The following GPR174 variants were observed in gnomAD, a reference collection of about 807,000 sequenced individuals.
GPR174 encodes the protein probable G protein-coupled receptor 174.
A neutral mutation model predicts 16.5 loss-of-function variants in GPR174; 8 were observed. That is an observed-to-expected ratio of 0.48 (90% CI 0.28 to 0.87). The LOEUF is 0.87. Among genes scored for constraint, GPR174 ranks in the 40% least tolerant of loss-of-function variants. The pLI, the probability that GPR174 is intolerant of heterozygous loss-of-function variation, is 0.09. For synonymous variants in GPR174, 111 were observed against 94.8 expected (o/e 1.17, Z -0.99); for missense variants, 214 against 247.5 (o/e 0.86, Z 0.91).
chrX:79,166,057 G>A (rs1258684828), intron 2 of GPR174, among the ~76,000 whole-genome samples: 8 of 110,552 alleles, frequency 7.2e-5, no homozygotes, highest in African/African-American at 2.6e-4. Flanking sequence ...ATACTAACTT[G>A]TGATCTTCTC....
chrX:79,153,636 C>T (rs765628608), intron 1 of GPR174, among the ~76,000 whole-genome samples: 6 of 111,425 alleles, frequency 5.4e-5, no homozygotes, highest in East Asian at 2.8e-4. Flanking sequence ...AACAAAGGGA[C>T]GCTTGTTTCT....
At chrX:79,167,563 C>G (rs1191601223) in intron 2 of GPR174, among the ~76,000 whole-genome samples, 1 of 110,161 alleles carries the variant, frequency 9.1e-6, no homozygotes, top group African/African-American at 3.3e-5. Context: ...TCCTCAATAC[C>G]AATTGGTTTG....
chrX:79,165,781 G>A lies in GPR174; in HGVS notation c.-556-4671G>A, dbSNP rs771807084. On this transcript the variant is annotated intron_variant, in intron 2 of 2. Coordinates refer to ENST00000645147, the MANE Select transcript of GPR174 (RefSeq NM_032553.3). Reference sequence around the variant, plus strand: ...TTTCACAGGCTATTAATCGTGTGGAGTAGTGGATAGGGCACACTCTCTAGG... The same window carrying A: ...TTTCACAGGCTATTAATCGTGTGGAATAGTGGATAGGGCACACTCTCTAGG... 5.4e-5 allele frequency among the ~76,000 whole-genome samples: 6 copies of A among 111,068 alleles called. No individual in the cohort carries two copies. In the South Asian group the frequency reaches 2.3e-3, roughly 43 times the overall value.
intron 2 of GPR174, among the ~76,000 whole-genome samples, chrX:79,160,893 G>A (rs1260940752): frequency 9.0e-6 from 1 of 111,299 alleles, no homozygotes; most frequent in East Asian, 2.8e-4. Context: ...GAAGGGCAGG[G>A]CAATAGGAGT....
chrX:79,144,990 CTT>C lies in GPR174; in HGVS notation c.-879_-878del, dbSNP rs1227416665. 1.5e-3 allele frequency: 72 copies of C among 47,687 alleles called. No individual in the cohort carries two copies. Among genetic ancestry groups the C allele is most frequent in the African/African-American group, 3.9e-3 (61 of 15,516 alleles). The allele number at this position is 47,687 out of a possible 1,213,427, so 3.9% of individuals were successfully genotyped here. ...TCTCTTTCTTTCTTTTTCTTTCTTT[CTT>C]TCTCTCTCTCTCTCTTTCTTTCTTT... On this transcript the variant is annotated 5_prime_UTR_variant, in exon 1 of 3. Coordinates refer to ENST00000645147, the MANE Select transcript of GPR174 (RefSeq NM_032553.3).
intron 2 of GPR174, among the ~76,000 whole-genome samples, chrX:79,158,288 G>A (rs1194759894): frequency 2.8e-5 from 3 of 106,687 alleles, no homozygotes; most frequent in Non-Finnish European, 5.8e-5. Flanking sequence ...TTCCCCTGAC[G>A]TAATCAGGAT....
intron 2 of GPR174, among the ~76,000 whole-genome samples, chrX:79,157,432 G>T (rs1921124453): frequency 8.9e-6 from 1 of 111,761 alleles, no homozygotes; most frequent in South Asian, 3.7e-4. Context: ...TTCAAAAGGG[G>T]ATTTGGGAAA....
At chrX:79,145,824 T>C (rs1231213607) in intron 1 of GPR174, among the ~76,000 whole-genome samples, 5 of 111,644 alleles carry the variant, frequency 4.5e-5, no homozygotes, top group Non-Finnish European at 7.5e-5. Flanking sequence ...TTCAAACACG[T>C]TTAAGAAAAC....
At chrX:79,169,070 T>C (rs1456308673) in intron 2 of GPR174, among the ~76,000 whole-genome samples, 2 of 112,053 alleles carry the variant, frequency 1.8e-5, no homozygotes, top group Non-Finnish European at 3.8e-5. Context: ...AAGAACTCCA[T>C]ATGAAATAGT....
In GPR174 at chrX:79,171,155, G is replaced by C; in HGVS notation, c.148G>C (p.Glu50Gln). ...ALWVFYGYMK[E>Q]TKRAVIFMIN... ...GTGGGTATTCTATGGTTATATGAAA[G>C]AAACAAAACGAGCTGTGATATTTAT... is the stretch of plus-strand genomic sequence containing the variant. Residue 50 changes from glutamate (E) to glutamine (Q), a missense_variant, in exon 3 of 3, where the codon GAA becomes CAA. Glu to Gln is a conservative substitution (Grantham distance 29, BLOSUM62 2). Coordinates refer to ENST00000645147, the MANE Select transcript of GPR174 (RefSeq NM_032553.3). 1 of 1,205,920 alleles carries C rather than the reference G, an allele frequency of 8.3e-7. No homozygotes were observed. Among genetic ancestry groups the C allele is most frequent in the South Asian group, 1.8e-5 (1 of 56,224 alleles).
At chrX:79,160,897 T>C (rs987049221) in intron 2 of GPR174, among the ~76,000 whole-genome samples, 1 of 111,238 alleles carries the variant, frequency 9.0e-6, no homozygotes, top group Non-Finnish European at 1.9e-5. Flanking sequence ...GGCAGGGCAA[T>C]AGGAGTGTCT....
chrX:79,146,830 G>A (rs1490013131), intron 1 of GPR174, among the ~76,000 whole-genome samples: 1 of 111,352 alleles, frequency 9.0e-6, no homozygotes, highest in Non-Finnish European at 1.9e-5. Flanking sequence ...AAAGGAAGAG[G>A]ACAAAGAAAC....
chrX:79,158,716 AC>A (rs1416800430), intron 2 of GPR174, among the ~76,000 whole-genome samples: 1 of 105,991 alleles, frequency 9.4e-6, no homozygotes, highest in Non-Finnish European at 1.9e-5. Flanking sequence ...TGCTGGGATT[AC>A]AGGTGTGAGC....
Position 79,172,617 on chromosome X carries a change from G to C in GPR174, c.*608G>C, listed in dbSNP as rs1315205975. On this transcript the variant is annotated 3_prime_UTR_variant, in exon 3 of 3. Transcript: ENST00000645147. ...ACATGAAACATCATTTGTCACACCT[G>C]TTCACAGAATGAAAATCTGAACTCA... 3 of 111,893 alleles carry C rather than the reference G, an allele frequency of 2.7e-5. No individual in the cohort carries two copies. The highest frequency in any genetic ancestry group is 5.6e-5 in the Non-Finnish European group (3 of 53,191). The allele number at this position is 111,893 out of a possible 1,213,427, so 9.2% of individuals were successfully genotyped here.
rs776806675 is a variant in GPR174 at position 79,174,551 on chromosome X, C to T, written c.*2542C>T. The T allele has an allele frequency of 9.1e-6, 1 of 109,597 alleles. No homozygotes were observed. Among genetic ancestry groups the T allele is most frequent in the East Asian group, 2.9e-4 (1 of 3,470 alleles). The allele number at this position is 109,597 out of a possible 1,213,427, so 9.0% of individuals were successfully genotyped here. A position where few individuals can be genotyped will look rare whatever the true frequency, so the allele number is the denominator to read the frequency against. ...ATTTTGGATAAAGTGGGTCCCACAG[C>T]ACTGCCTTTCATATTGCATACAGTA... On this transcript the variant is annotated 3_prime_UTR_variant, in exon 3 of 3. Transcript: ENST00000645147.
rs773060360 is a variant in GPR174 at position 79,163,770 on chromosome X, T to C, written c.-556-6682T>C. On this transcript the variant is annotated intron_variant, in intron 2 of 2. Coordinates refer to ENST00000645147, the MANE Select transcript of GPR174 (RefSeq NM_032553.3). ...GTGAACACAAATATGTAACATTCCA[T>C]TCAAATATTGTCCATGCATTAAGCT... Among the ~76,000 whole-genome samples, 12 of 111,913 alleles carry C rather than the reference T, an allele frequency of 1.1e-4. No individual in the cohort carries two copies. The South Asian group carries it at 4.5e-3, about 42-fold the overall frequency.
rs1271809973 is a variant in GPR174 at position 79,172,362 on chromosome X, T to C, written c.*353T>C. 1 of 170,061 alleles carries C rather than the reference T, an allele frequency of 5.9e-6. No individual in the cohort carries two copies. Among genetic ancestry groups the C allele is most frequent in the African/African-American group, 3.0e-5 (1 of 32,954 alleles). The allele number at this position is 170,061 out of a possible 1,213,427, so 14.0% of individuals were successfully genotyped here. On this transcript the variant is annotated 3_prime_UTR_variant, in exon 3 of 3. Coordinates refer to ENST00000645147, the MANE Select transcript of GPR174 (RefSeq NM_032553.3). ...TGGAGTCACCATAAACATTTAGTTT[T>C]GTTGCAACAGATACTGAGTCTTTAT...
chrX:79,158,002 T>C (rs764626174), intron 2 of GPR174, among the ~76,000 whole-genome samples: 2 of 107,545 alleles, frequency 1.9e-5, no homozygotes, highest in Admixed American at 2.0e-4. Context: ...AGCGCACATA[T>C]CCCCTTCATG....
intron 2 of GPR174, among the ~76,000 whole-genome samples, chrX:79,159,733 T>G (rs761095419): frequency 8.9e-6 from 1 of 112,031 alleles, no homozygotes; most frequent in African/African-American, 3.2e-5. Flanking sequence ...GGATATTATC[T>G]AATATTATAT....
Sources: gnomAD v4.1 joint callset for allele counts (sites outside exome capture counted in the v4.1 genomes callset) on GRCh38, gnomAD v4.1.1 for gene constraint, MANE v1.5 for transcripts, NCBI Gene and HGNC (gene_info 2026-07-23, HGNC 2026-07-21) for gene names.